The following RBM41 variants were observed in gnomAD, a reference collection of about 807,000 sequenced individuals.
The protein encoded by RBM41 is RNA binding motif protein 41.
RBM41 carries 14 observed loss-of-function variants against 30.8 expected under a neutral mutation model. That is an observed-to-expected ratio of 0.45 (90% confidence interval 0.30 to 0.71). The LOEUF is 0.71. Among genes scored for constraint, RBM41 ranks in the 30% least tolerant of loss-of-function variants. The pLI, the probability that RBM41 is intolerant of heterozygous loss-of-function variation, is 0.08. For missense variants in RBM41, 276 were observed against 326.3 expected, an observed-to-expected ratio of 0.85 and a Z score of 1.19; for synonymous variants, 120 against 110.1, an observed-to-expected ratio of 1.09 and a Z score of -0.56.
At chrX:107,101,237 T>G (rs751835943) in intron 5 of RBM41, among the ~76,000 whole-genome samples, 10 of 111,673 alleles carry the variant, frequency 9.0e-5, no homozygotes, top group Non-Finnish European at 5.6e-5. Flanking sequence ...TTTCTTGATC[T>G]GATTAAAAAT....
At chrX:107,091,605 C>T (rs1218392793) in intron 5 of RBM41, among the ~76,000 whole-genome samples, 1 of 111,842 alleles carries the variant, frequency 8.9e-6, no homozygotes, top group Non-Finnish European at 1.9e-5. Context: ...ATCTCTGTCC[C>T]CTTTATCCCA....
chrX:107,112,410 C>A lies in RBM41; in HGVS notation c.595+987G>T, dbSNP rs368125080. 6.3e-5 allele frequency among the ~76,000 whole-genome samples: 7 copies of A among 111,485 alleles called. No individual in the cohort carries two copies. The East Asian group carries it at 1.7e-3, about 27-fold the overall frequency. The stretch of plus-strand genomic sequence containing the variant: ...GTGCTGACAAAGATGTAGAGCAACT[C>A]GAACTTTCATACATTGCTGGTGAAA... On this transcript the variant is annotated intron_variant, in intron 5 of 7. Coordinates refer to ENST00000685964, the MANE Select transcript of RBM41 (RefSeq NM_001324242.2).
chrX:107,089,458 A>C (rs1436074827), intron 5 of RBM41, among the ~76,000 whole-genome samples: 1 of 112,003 alleles, frequency 8.9e-6, no homozygotes, highest in Admixed American at 9.5e-5. Context: ...TATGCTACCT[A>C]ATATAGTAGC....
intron 5 of RBM41, among the ~76,000 whole-genome samples, chrX:107,109,237 G>T (rs1389397597): frequency 9.0e-6 from 1 of 111,205 alleles, no homozygotes; most frequent in African/African-American, 3.3e-5. Flanking sequence ...CAAAATAGCA[G>T]ATGTAAATCC....
chrX:107,109,655 A>G (rs766569425), intron 5 of RBM41, among the ~76,000 whole-genome samples: 7 of 110,921 alleles, frequency 6.3e-5, no homozygotes, highest in African/African-American at 2.0e-4. Flanking sequence ...TCTTCTTTTA[A>G]TAAGTTCTTA....
intron 5 of RBM41, among the ~76,000 whole-genome samples, chrX:107,101,948 G>A (rs989700092): frequency 9.0e-6 from 1 of 111,457 alleles, no homozygotes; most frequent in Non-Finnish European, 1.9e-5. Flanking sequence ...GTAGAAATAC[G>A]GATGTTAAAG....
chrX:107,069,459 G>A, intron 6 of RBM41, 57 bp from the exon 7 acceptor site: 4 of 1,118,500 alleles, frequency 3.6e-6, no homozygotes, highest in Middle Eastern at 3.4e-4. Flanking sequence ...GGCACTCTTT[G>A]TTTTTTTCTT....
chrX:107,081,742 CTAAG>C (rs1279462774), intron 6 of RBM41, among the ~76,000 whole-genome samples: 1 of 111,649 alleles, frequency 9.0e-6, no homozygotes, highest in Non-Finnish European at 1.9e-5. Flanking sequence ...AAATTTATAC[CTAAG>C]TATTTCATTC....
In RBM41 at chrX:107,088,482, C is replaced by A; in HGVS notation, c.953G>T (p.Arg318Leu). 8.3e-7 allele frequency: 1 copy of A among 1,211,385 alleles called. No homozygotes were observed. Among genetic ancestry groups the A allele is most frequent in the Non-Finnish European group, 1.1e-6 (1 of 895,220 alleles). ...ATATGAAGAAAACATAGGAATTTTT[C>A]GGATCTCTTCCTCTGACAAACGATT... ...QRNRLSEEEI[R>L]KIPMFSSYNP... The change falls in exon 6 of 8, where the codon CGA becomes CTA. Residue 318 changes from arginine (R) to leucine (L), a missense_variant. By Grantham distance (102) the Arg-to-Leu change is moderately radical (BLOSUM62 -2). Coordinates refer to ENST00000685964, the MANE Select transcript of RBM41 (RefSeq NM_001324242.2).
chrX:107,098,785 G>C (rs754861310), intron 5 of RBM41, among the ~76,000 whole-genome samples: 35 of 111,555 alleles, frequency 3.1e-4, no homozygotes, highest in Non-Finnish European at 5.8e-4. Flanking sequence ...CAGATCACCA[G>C]AAGTCAGGAG....
intron 6 of RBM41, among the ~76,000 whole-genome samples, chrX:107,075,749 T>C (rs1403766382): frequency 9.0e-6 from 1 of 111,670 alleles, no homozygotes; most frequent in Non-Finnish European, 1.9e-5. Flanking sequence ...GGCAAGGATA[T>C]GAAGAAGTTG....
intron 5 of RBM41, among the ~76,000 whole-genome samples, chrX:107,104,298 G>A (rs939212797): frequency 9.0e-6 from 1 of 110,879 alleles, no homozygotes; most frequent in Admixed American, 9.6e-5. Context: ...TTACATCAGC[G>A]GTTTTCTAAC....
chrX:107,079,935 G>C (rs183151629), intron 6 of RBM41, among the ~76,000 whole-genome samples: 1 of 111,576 alleles, frequency 9.0e-6, no homozygotes, highest in African/African-American at 3.3e-5. Context: ...GTTCCTCTAT[G>C]TCTTTTTGTG....
chrX:107,089,345 C>T (rs1409114938), intron 5 of RBM41, among the ~76,000 whole-genome samples: 3 of 111,866 alleles, frequency 2.7e-5, no homozygotes, highest in South Asian at 7.6e-4. Context: ...ATTAAATAAA[C>T]TACATTTGTT....
chrX:107,083,469 C>T (rs889137844), intron 6 of RBM41, among the ~76,000 whole-genome samples: 1 of 111,082 alleles, frequency 9.0e-6, no homozygotes. Context: ...AAATTCTCAT[C>T]CATTACTACT....
rs776407729 is a variant in RBM41 at position 107,112,571 on chromosome X, A to C, written c.595+826T>G. On this transcript the variant is annotated intron_variant, in intron 5 of 7. Transcript: ENST00000685964. ...AAATAAAAACTTATGTTCACAAAAAAACCTGTACAAGAACGTTCATATCAA... is the reference window on the plus strand; with the variant it reads ...AAATAAAAACTTATGTTCACAAAAACACCTGTACAAGAACGTTCATATCAA... Among the ~76,000 whole-genome samples the C allele has an allele frequency of 2.7e-5, 3 of 111,763 alleles. No individual in the cohort carries two copies. The East Asian group carries it at 8.4e-4, about 31-fold the overall frequency.
Position 107,066,651 on chromosome X carries a change from C to T in RBM41, c.*876G>A. On this transcript the variant is annotated 3_prime_UTR_variant, in exon 8 of 8. Coordinates refer to ENST00000685964, the MANE Select transcript of RBM41 (RefSeq NM_001324242.2). ...AAGTGTGGCTGTACAGGTCTGACTC[C>T]AGTTTGTACTACTTCCTCTCTGTAT... 2 of 706,031 alleles carry T rather than the reference C, an allele frequency of 2.8e-6. No individual in the cohort carries two copies. Among genetic ancestry groups the T allele is most frequent in the Non-Finnish European group, 3.4e-6 (2 of 595,904 alleles). The allele number at this position is 706,031 out of a possible 1,213,427, so 58.2% of individuals were successfully genotyped here.
rs1258720107 is a variant in RBM41, at chrX:107,065,239, GCA to G, written c.*2286_*2287del. 3 of 111,693 alleles carry G rather than the reference GCA, an allele frequency of 2.7e-5. No individual in the cohort carries two copies. The highest frequency in any genetic ancestry group is 5.7e-5 in the Non-Finnish European group (3 of 53,047). 9.2% of individuals were successfully genotyped at this position (111,693 alleles called of 1,213,427 possible). ...CCTTTTATAGTATTGCTTAATCCAT[GCA>G]CATTGTTATTTTGATATAGGAAGAC... is the stretch of plus-strand genomic sequence containing the variant. On this transcript the variant is annotated 3_prime_UTR_variant, in exon 8 of 8. Transcript: ENST00000685964.
At chrX:107,108,972 T>C (rs1924234712) in intron 5 of RBM41, among the ~76,000 whole-genome samples, 1 of 111,491 alleles carries the variant, frequency 9.0e-6, no homozygotes, top group African/African-American at 3.3e-5. Flanking sequence ...GTATGGGAGG[T>C]AGAGAACAGC....
Sources: gnomAD v4.1 joint callset for allele counts (sites outside exome capture counted in the v4.1 genomes callset) on GRCh38, gnomAD v4.1.1 for gene constraint, MANE v1.5 for transcripts, NCBI Gene and HGNC (gene_info 2026-07-23, HGNC 2026-07-21) for gene names.